The following CAPN8 variants were observed in gnomAD, a reference collection of about 807,000 sequenced individuals.
CAPN8 encodes the protein calpain 8, also known as calpain-8.
In CAPN8, 87 loss-of-function variants were observed where a neutral mutation model predicts 80.9. The ratio of observed to expected loss-of-function variants is 1.07; its 90% CI spans 0.90 to 1.28. CAPN8 has a LOEUF of 1.28. Ranked by LOEUF, CAPN8 falls within the 50% of genes most tolerant of loss-of-function variation. The pLI is 0.00. For missense variants in CAPN8, 757 were observed against 702.0 expected (o/e 1.08, Z -0.89); for synonymous variants, 299 against 273.8 (o/e 1.09, Z -0.91).
chr1:223,639,439 G>C (rs908136829), intron 2 of CAPN8, among the ~76,000 whole-genome samples: 1 of 152,154 alleles, frequency 6.6e-6, no homozygotes, highest in Non-Finnish European at 1.5e-5. Context: ...ATTTTAATCG[G>C]GAAGCCATCA....
intron 16 of CAPN8, among the ~76,000 whole-genome samples, chr1:223,547,912 A>G (rs1265126137): frequency 1.3e-5 from 2 of 152,238 alleles, no homozygotes; most frequent in Non-Finnish European, 2.9e-5. Flanking sequence ...AGTTCCTTGC[A>G]GTCCACAAAT....
intron 5 of CAPN8, 52 bp downstream of exon 5, chr1:223,626,937 C>A: frequency 1.3e-6 from 2 of 1,526,822 alleles, no homozygotes; most frequent in Non-Finnish European, 1.8e-6. Context: ...CCCTACCACA[C>A]AAGGGGTGGC....
chr1:223,621,059 C>T (rs1300090578), intron 7 of CAPN8, among the ~76,000 whole-genome samples: 2 of 152,006 alleles, frequency 1.3e-5, no homozygotes, highest in African/African-American at 4.8e-5. Context: ...CCAGCGCAGC[C>T]TCTTCCTCCA....
At chr1:223,544,933 T>C in intron 17 of CAPN8, 83 bp from the exon 18 acceptor site, 1 of 1,544,368 alleles carries the variant, frequency 6.5e-7, no homozygotes, top group Non-Finnish European at 8.7e-7. Flanking sequence ...CACTGCTTTC[T>C]CAAAAGGCCA....
At position 223,627,122 on chromosome 1, in the gene CAPN8, G is replaced by A. The variant is rs1277624663; in HGVS notation, c.596C>T (p.Ser199Phe). 6.4e-7 allele frequency: 1 copy of A among 1,552,338 alleles called. No individual in the cohort carries two copies. Among genetic ancestry groups the A allele is most frequent in the Non-Finnish European group, 8.7e-7 (1 of 1,147,138 alleles). ...NGCYEALAGG[S>F]TVEGFEDFTG... ...GAAATCCTCAAACCCCTCCACTGTG[G>A]AACCTCCAGCGAGAGCCTCATAACA... is the stretch of plus-strand genomic sequence containing the variant. Residue 199 changes from serine to phenylalanine, a missense_variant, in exon 5 of 21, where the codon TCC (serine) becomes TTC (phenylalanine). Transcript: ENST00000366872.
Position 223,627,346 on chromosome 1 carries a change from G to A in CAPN8, c.561-189C>T, listed in dbSNP as rs143716778. The stretch of plus-strand genomic sequence containing the variant: ...TGTGCCCAGCTCAGCACTTCACTAG[G>A]AACTGACCTCAGCCAACCTCTCTCC... On this transcript the variant is annotated intron_variant, in intron 4 of 20. Coordinates refer to ENST00000366872, the MANE Select transcript of CAPN8 (RefSeq NM_001143962.2). Among the ~76,000 whole-genome samples the A allele has an allele frequency of 1.4e-4, 22 of 152,280 alleles. 1 individual carries two copies. Among genetic ancestry groups the A allele is most frequent in the Middle Eastern group, 3.4e-3 (1 of 294 alleles).
Position 223,620,236 on chromosome 1 carries a change from C to T in CAPN8, c.930G>A (p.Arg310=). ...DAPEWNHIDP[R]RKEELDKKVE... ...CTTTCTTGTCCAGTTCTTCCTTCCG[C>T]CGGGGGTCTATGTGATTCCACTCTG... Residue 310 remains arginine, a synonymous_variant, in exon 8 of 21, where the codon CGG becomes CGA. Coordinates refer to ENST00000366872, the MANE Select transcript of CAPN8 (RefSeq NM_001143962.2). 6.4e-7 allele frequency: 1 copy of T among 1,551,622 alleles called. No individual in the cohort carries two copies. The highest frequency in any genetic ancestry group is 8.7e-7 in the Non-Finnish European group (1 of 1,146,982).
intron 3 of CAPN8, 35 bp from the exon 4 acceptor site, chr1:223,628,177 A>C: frequency 6.6e-7 from 1 of 1,520,346 alleles, no homozygotes. Flanking sequence ...GCTCACATGA[A>C]TAAGCAGATG....
intron 2 of CAPN8, among the ~76,000 whole-genome samples, chr1:223,652,266 C>G (rs1394040615): frequency 6.6e-6 from 1 of 151,970 alleles, no homozygotes; most frequent in Non-Finnish European, 1.5e-5. Context: ...CACTTGAGCC[C>G]AGGAGAAGGA....
intron 16 of CAPN8, among the ~76,000 whole-genome samples, chr1:223,549,069 C>A (rs530906091): frequency 6.6e-6 from 1 of 152,188 alleles, no homozygotes; most frequent in African/African-American, 2.4e-5. Flanking sequence ...AAATAAGTCA[C>A]CTAAACACTG....
intron 7 of CAPN8, among the ~76,000 whole-genome samples, chr1:223,621,770 G>C (rs74145939): frequency 0.031 from 4,789 of 152,098 alleles, 180 homozygotes; most frequent in African/African-American, 0.091. Context: ...ACAGAGTACC[G>C]ACAGCACTTG....
intron 3 of CAPN8, among the ~76,000 whole-genome samples, chr1:223,628,361 C>G (rs1657663536): frequency 6.6e-6 from 1 of 152,160 alleles, no homozygotes. Context: ...GAGAACTTGC[C>G]CAGCGCCACC....
chr1:223,656,744 C>T (rs1309738896), intron 1 of CAPN8, among the ~76,000 whole-genome samples: 1 of 139,692 alleles, frequency 7.2e-6, no homozygotes, highest in Non-Finnish European at 1.5e-5. Flanking sequence ...AATGCAGTGG[C>T]GCGATCTCGG....
At chr1:223,613,622 C>T (rs988751922) in intron 10 of CAPN8, among the ~76,000 whole-genome samples, 2 of 152,226 alleles carry the variant, frequency 1.3e-5, no homozygotes, top group Admixed American at 6.5e-5. Context: ...CTTTCAAATG[C>T]AGGATCCTGA....
intron 13 of CAPN8, among the ~76,000 whole-genome samples, chr1:223,557,286 G>T (rs1656925985): frequency 6.6e-6 from 1 of 152,366 alleles, no homozygotes; most frequent in East Asian, 1.9e-4. Flanking sequence ...GTGTATATGG[G>T]TGTGTGTGTG....
intron 2 of CAPN8, among the ~76,000 whole-genome samples, chr1:223,651,197 G>A (rs1658334767): frequency 6.6e-6 from 1 of 152,134 alleles, no homozygotes; most frequent in Admixed American, 6.5e-5. Flanking sequence ...GGATTGCCAG[G>A]AACAGCAACT....
At chr1:223,610,010 C>T (rs1203829065) in intron 11 of CAPN8, among the ~76,000 whole-genome samples, 7 of 152,146 alleles carry the variant, frequency 4.6e-5, no homozygotes, top group Non-Finnish European at 1.0e-4. Context: ...TTATTTGTTG[C>T]GGGGAGGTGG....
At chr1:223,623,710 T>C (rs919898122) in intron 6 of CAPN8, among the ~76,000 whole-genome samples, 1 of 152,174 alleles carries the variant, frequency 6.6e-6, no homozygotes, top group Non-Finnish European at 1.5e-5. Flanking sequence ...AAAGAGCATA[T>C]TTGGGCCAGG....
intron 20 of CAPN8, among the ~76,000 whole-genome samples, chr1:223,542,526 CG>C (rs1656495691): frequency 6.6e-6 from 1 of 152,128 alleles, no homozygotes; most frequent in Admixed American, 6.5e-5. Flanking sequence ...CTAGTTCCAC[CG>C]CCTCAGAATC....
Sources: gnomAD v4.1 joint callset for allele counts (sites outside exome capture counted in the v4.1 genomes callset) on GRCh38, gnomAD v4.1.1 for gene constraint, MANE v1.5 for transcripts, NCBI Gene and HGNC (gene_info 2026-07-23, HGNC 2026-07-21) for gene names.